CNTN5: variants seen among roughly 807,000 people sequenced by gnomAD.
CNTN5 encodes the protein contactin 5, also known as contactin-5.
A neutral mutation model predicts 129.1 loss-of-function variants in CNTN5; 77 were observed. The observed-to-expected ratio is 0.60, with a 90% confidence interval of 0.50 to 0.72. CNTN5 has a LOEUF of 0.72. CNTN5 is among the 30% of genes least tolerant of loss of function. CNTN5 has a pLI of 0.00. For missense variants in CNTN5, 1,478 were observed against 1,328.8 expected (o/e 1.11, Z -1.75); for synonymous variants, 509 against 465.6 (o/e 1.09, Z -1.20).
At position 99,964,226 on chromosome 11, in the gene CNTN5, C is replaced by A. The variant is rs966707910; in HGVS notation, c.877+7217C>A. ...AATAGGAGTGGTGAGAGAGGGCATC[C>A]CTGTCTTGTGCCCGTTTTCAAAGGG... On this transcript the variant is annotated intron_variant, in intron 8 of 24. Transcript: ENST00000524871. Among the ~76,000 whole-genome samples the A allele has an allele frequency of 2.1e-4, 32 of 150,458 alleles. 1 individual carries two copies. Among genetic ancestry groups the A allele is most frequent in the African/African-American group, 7.7e-4 (31 of 40,174 alleles).
intron 3 of CNTN5, among the ~76,000 whole-genome samples, chr11:99,576,858 C>T (rs1949366490): frequency 1.3e-5 from 2 of 152,112 alleles, no homozygotes; most frequent in South Asian, 2.1e-4. Context: ...CCCTCATGAC[C>T]TAATCACCTC....
At chr11:99,276,601 A>G (rs1038623930) in intron 1 of CNTN5, among the ~76,000 whole-genome samples, 2 of 151,616 alleles carry the variant, frequency 1.3e-5, no homozygotes, top group Non-Finnish European at 3.0e-5. Flanking sequence ...ATAAATTGTT[A>G]AGAAGAATGT....
At chr11:99,498,245 T>A (rs2726370) in intron 2 of CNTN5, among the ~76,000 whole-genome samples, 1 of 151,966 alleles carries the variant, frequency 6.6e-6, no homozygotes, top group Non-Finnish European at 1.5e-5. Flanking sequence ...GTGTAATAAA[T>A]GTACTGCATT....
intron 2 of CNTN5, among the ~76,000 whole-genome samples, chr11:99,345,399 C>T (rs1937770383): frequency 6.6e-6 from 1 of 152,100 alleles, no homozygotes. Context: ...CCTATCTTCA[C>T]CTTTGTACAC....
intron 7 of CNTN5, among the ~76,000 whole-genome samples, chr11:99,939,774 T>C (rs1173349812): frequency 6.6e-6 from 1 of 152,140 alleles, no homozygotes; most frequent in Non-Finnish European, 1.5e-5. Context: ...GCTGTGAATA[T>C]GATTGAGTCC....
chr11:100,334,516 A>G (rs1050464177), intron 21 of CNTN5, among the ~76,000 whole-genome samples: 5 of 152,192 alleles, frequency 3.3e-5, no homozygotes, highest in Admixed American at 6.5e-5. Context: ...TTGCAAAAAT[A>G]TGGAACGAGC....
intron 2 of CNTN5, among the ~76,000 whole-genome samples, chr11:99,332,463 A>T (rs1866039791): frequency 6.6e-6 from 1 of 152,136 alleles, no homozygotes; most frequent in South Asian, 2.1e-4. Context: ...GTGCATTTTA[A>T]ACTAATATTT....
chr11:99,350,560 T>G (rs988420871), intron 2 of CNTN5, among the ~76,000 whole-genome samples: 1 of 152,138 alleles, frequency 6.6e-6, no homozygotes, highest in Non-Finnish European at 1.5e-5. Flanking sequence ...AGAGTCCTGC[T>G]GTCTGTTAAA....
chr11:100,132,810 A>G (rs1465719966), intron 13 of CNTN5, among the ~76,000 whole-genome samples: 4 of 152,234 alleles, frequency 2.6e-5, no homozygotes, highest in East Asian at 1.9e-4. Flanking sequence ...CAAAAAAGGT[A>G]TTTTCCTTAA....
chr11:99,177,575 A>C (rs117299545), intron 1 of CNTN5, among the ~76,000 whole-genome samples: 11 of 152,296 alleles, frequency 7.2e-5, no homozygotes, highest in Non-Finnish European at 1.2e-4. Flanking sequence ...GGTGTTATGC[A>C]TGTCTATGGT....
intron 2 of CNTN5, among the ~76,000 whole-genome samples, chr11:99,553,979 C>CACACACACACACAT (rs1555025627): frequency 0.37 from 53,704 of 145,258 alleles, 9,859 homozygotes; most frequent in East Asian, 0.51. Flanking sequence ...CACACACACA[C>CACACACACACACAT]ACACACACAC....
At chr11:99,853,357 G>A (rs1040251910) in intron 6 of CNTN5, among the ~76,000 whole-genome samples, 18 of 151,788 alleles carry the variant, frequency 1.2e-4, no homozygotes, top group Non-Finnish European at 2.2e-4. Flanking sequence ...TATGTAGCAG[G>A]TATGTGTGTA....
At chr11:100,143,791 C>T (rs981978424) in intron 13 of CNTN5, among the ~76,000 whole-genome samples, 6 of 151,992 alleles carry the variant, frequency 3.9e-5, no homozygotes, top group Admixed American at 6.6e-5. Flanking sequence ...AGAGCTTTCA[C>T]GGGAAAGGGA....
At chr11:99,279,789 T>C (rs1269039250) in intron 1 of CNTN5, among the ~76,000 whole-genome samples, 2 of 151,742 alleles carry the variant, frequency 1.3e-5, no homozygotes, top group Non-Finnish European at 2.9e-5. Context: ...TATTGTGCAA[T>C]TTTGTGAGGA....
intron 3 of CNTN5, among the ~76,000 whole-genome samples, chr11:99,579,393 G>T (rs1201381866): frequency 4.6e-5 from 7 of 151,842 alleles, no homozygotes; most frequent in Admixed American, 3.3e-4. Context: ...TGATGGGGAT[G>T]GCATTGAATG....
At chr11:99,381,624 G>A (rs1375313045) in intron 2 of CNTN5, among the ~76,000 whole-genome samples, 1 of 152,096 alleles carries the variant, frequency 6.6e-6, no homozygotes, top group Non-Finnish European at 1.5e-5. Flanking sequence ...ATTTAGAATG[G>A]TCTTTTCTAC....
chr11:100,160,201 T>A (rs1025427119), intron 13 of CNTN5, among the ~76,000 whole-genome samples: 1 of 151,944 alleles, frequency 6.6e-6, no homozygotes, highest in Non-Finnish European at 1.5e-5. Context: ...GTTTGTTTGC[T>A]GAGAATGATG....
chr11:99,962,522 G>T (rs977733197), intron 8 of CNTN5, among the ~76,000 whole-genome samples: 7 of 151,812 alleles, frequency 4.6e-5, no homozygotes, highest in African/African-American at 1.2e-4. Flanking sequence ...ATTCCATGGT[G>T]TATATGTGCC....
chr11:99,422,483 T>C (rs1013706257), intron 2 of CNTN5, among the ~76,000 whole-genome samples: 2 of 143,728 alleles, frequency 1.4e-5, no homozygotes, highest in Admixed American at 7.0e-5. Context: ...TCCTGATTAT[T>C]GAAAAACAAA....
Sources: gnomAD v4.1 joint callset for allele counts (sites outside exome capture counted in the v4.1 genomes callset) on GRCh38, gnomAD v4.1.1 for gene constraint, MANE v1.5 for transcripts, NCBI Gene and HGNC (gene_info 2026-07-23, HGNC 2026-07-21) for gene names.